Variants in FLNB observed in about 807,000 individuals in gnomAD.
FLNB encodes filamin B.
FLNB carries 111 observed loss-of-function variants against 250.6 expected under a neutral mutation model. That is an observed-to-expected ratio of 0.44 (90% CI 0.38 to 0.52). The LOEUF (loss-of-function observed/expected upper bound fraction) is 0.52. Ranked by LOEUF, FLNB falls within the 20% of genes least tolerant of loss-of-function variation. The probability of loss-of-function intolerance (pLI) is 0.00; values close to 1 mark genes in which losing one functional copy is unlikely to be tolerated. For missense variants in FLNB, 2,869 were observed against 3,447.8 expected, an observed-to-expected ratio of 0.83 and a Z score of 4.20; for synonymous variants, 1,302 against 1,372.1, an observed-to-expected ratio of 0.95 and a Z score of 1.13.
intron 31 of FLNB, among the ~76,000 whole-genome samples, chr3:58,143,252 A>C (rs1056743125): frequency 2.6e-5 from 4 of 152,004 alleles, no homozygotes; most frequent in Non-Finnish European, 5.9e-5. Flanking sequence ...AAAACTCTTT[A>C]AGAGTTGTCT....
At chr3:58,168,394 A>G in intron 43 of FLNB, 46 bp from the exon 44 acceptor site, 1 of 1,461,490 alleles carries the variant, frequency 6.8e-7, no homozygotes, top group East Asian at 2.3e-5. Context: ...CTCCCAGGAA[A>G]GCCCTCCAAG....
At chr3:58,093,722 G>A (rs895619689) in intron 4 of FLNB, among the ~76,000 whole-genome samples, 2 of 151,976 alleles carry the variant, frequency 1.3e-5, no homozygotes, top group Non-Finnish European at 2.9e-5. Flanking sequence ...CAACCCAGAT[G>A]TTCTTCAGTG....
At chr3:58,072,498 GTGA>G (rs2097196108) in intron 1 of FLNB, among the ~76,000 whole-genome samples, 2 of 152,164 alleles carry the variant, frequency 1.3e-5, no homozygotes, top group Admixed American at 6.5e-5. Context: ...TCTCATCTAC[GTGA>G]TGGTCAGACG....
intron 11 of FLNB, 57 bp from the exon 12 acceptor site, chr3:58,106,623 T>C (rs1248183766): frequency 3.3e-6 from 5 of 1,530,964 alleles, no homozygotes; most frequent in African/African-American, 2.7e-5. Context: ...TGTCGTAACA[T>C]AGAATAGGTG....
intron 1 of FLNB, among the ~76,000 whole-genome samples, chr3:58,060,755 G>T (rs1477691469): frequency 5.0e-5 from 5 of 99,674 alleles, no homozygotes; most frequent in Non-Finnish European, 9.4e-5. Flanking sequence ...GGGCAACAGA[G>T]CAAGACCTTG....
At chr3:58,030,418 C>T (rs1271381310) in intron 1 of FLNB, among the ~76,000 whole-genome samples, 2 of 152,156 alleles carry the variant, frequency 1.3e-5, no homozygotes, top group South Asian at 2.1e-4. Flanking sequence ...CTGTTGGTTT[C>T]TTTCATCCTA....
At chr3:58,138,247 A>G (rs773111112) in intron 28 of FLNB, 35 bp from the exon 29 acceptor site, 17 of 1,612,286 alleles carry the variant, frequency 1.1e-5, no homozygotes, top group Middle Eastern at 2.1e-4. Context: ...ATGTGTGTCC[A>G]TACTTCCATT....
Position 58,112,039 on chromosome 3 carries a change from C to T in FLNB, c.2576-110C>T, listed in dbSNP as rs1055623804. 12 of 1,225,444 alleles carry T rather than the reference C, an allele frequency of 9.8e-6. 1 individual carries two copies. The highest frequency in any genetic ancestry group is 3.8e-5 in the South Asian group (3 of 78,418). 75.9% of individuals were successfully genotyped at this position (1,225,444 alleles called of 1,614,324 possible). On this transcript the variant is annotated intron_variant, in intron 17 of 45. Transcript: ENST00000295956. ...TGATGCAGCAGTGGCTGGCCAGGCCCGTTGCTGGCTGTCATAATAGACCTG... is the reference window on the plus strand; with the variant it reads ...TGATGCAGCAGTGGCTGGCCAGGCCTGTTGCTGGCTGTCATAATAGACCTG...
At chr3:58,037,022 G>A (rs2097139016) in intron 1 of FLNB, among the ~76,000 whole-genome samples, 1 of 136,986 alleles carries the variant, frequency 7.3e-6, no homozygotes, top group Non-Finnish European at 1.6e-5. Context: ...TTGATATGAT[G>A]TTCTTTCCCA....
intron 43 of FLNB, among the ~76,000 whole-genome samples, chr3:58,167,289 C>A (rs2097372297): frequency 6.6e-6 from 1 of 152,046 alleles, no homozygotes; most frequent in African/African-American, 2.4e-5. Flanking sequence ...GATTAGATAC[C>A]ATGATGAGGT....
At chr3:58,136,683 T>C (rs1051745762) in intron 28 of FLNB, among the ~76,000 whole-genome samples, 5 of 151,278 alleles carry the variant, frequency 3.3e-5, no homozygotes, top group South Asian at 2.1e-4. Context: ...GTTTCTTTCT[T>C]TTTTTTTCCC....
intron 38 of FLNB, 120 bp from the exon 39 acceptor site, chr3:58,153,255 C>A (rs1052909065): frequency 3.4e-6 from 4 of 1,159,700 alleles, no homozygotes; most frequent in Admixed American, 1.7e-5. Flanking sequence ...GAAGCCTGGG[C>A]ACCTCACGTC....
intron 1 of FLNB, 73 bp from the exon 2 acceptor site, chr3:58,076,973 A>G: frequency 2.0e-6 from 3 of 1,526,766 alleles, no homozygotes; most frequent in Non-Finnish European, 2.7e-6. Flanking sequence ...GACTCCATTT[A>G]CATTTATATA....
At chr3:58,046,313 A>T (rs1181179763) in intron 1 of FLNB, among the ~76,000 whole-genome samples, 1 of 151,900 alleles carries the variant, frequency 6.6e-6, no homozygotes, top group East Asian at 1.9e-4. Context: ...ATTTATAGGA[A>T]TTTTCTTTCT....
chr3:58,161,703 C>T (rs34502586), intron 42 of FLNB, among the ~76,000 whole-genome samples: 23,646 of 152,086 alleles, frequency 0.16, 2,493 homozygotes, highest in African/African-American at 0.29. Context: ...CATTGAGCTG[C>T]GCCCTGCAAG....
intron 1 of FLNB, among the ~76,000 whole-genome samples, chr3:58,021,972 T>C (rs1378971682): frequency 6.6e-6 from 1 of 152,024 alleles, no homozygotes; most frequent in Non-Finnish European, 1.5e-5. Flanking sequence ...TTCGGTTTGC[T>C]ATGTTGCCCA....
intron 1 of FLNB, among the ~76,000 whole-genome samples, chr3:58,044,436 AAAAC>A (rs55929512): frequency 6.1e-4 from 92 of 150,952 alleles, no homozygotes; most frequent in Non-Finnish European, 1.2e-3. Context: ...GTCTCTACAA[AAAAC>A]AAACAAACAA....
intron 42 of FLNB, among the ~76,000 whole-genome samples, chr3:58,161,069 G>C (rs1027727384): frequency 6.6e-6 from 1 of 152,186 alleles, no homozygotes; most frequent in Non-Finnish European, 1.5e-5. Context: ...GGAGCCTCAG[G>C]AGGAACAAGT....
intron 1 of FLNB, among the ~76,000 whole-genome samples, chr3:58,076,662 T>C (rs559530596): frequency 2.6e-5 from 4 of 151,974 alleles, no homozygotes; most frequent in African/African-American, 7.2e-5. Context: ...TTTTGCCATG[T>C]TGCCCAGGCT....
Sources: allele counts gnomAD v4.1 joint callset (sites outside exome capture counted in the v4.1 genomes callset), GRCh38; gene constraint gnomAD v4.1.1; transcripts MANE v1.5; gene names NCBI Gene and HGNC (gene_info 2026-07-23, HGNC 2026-07-21).